The following ASMT variants were observed in gnomAD, a reference collection of about 807,000 sequenced individuals.
ASMT encodes acetylserotonin N-methyltransferase.
In ASMT, 53 loss-of-function variants were observed where a neutral mutation model predicts 41.3. The ratio of observed to expected loss-of-function variants is 1.28; its 90% confidence interval spans 1.03 to 1.61. The LOEUF (loss-of-function observed/expected upper bound fraction) is 1.61. Ranked by LOEUF, ASMT falls within the 40% of genes most tolerant of loss-of-function variation. ASMT has a pLI of 0.00. For synonymous variants in ASMT, 231 were observed against 184.8 expected (o/e 1.25, Z -2.03); for missense variants, 531 against 441.3 (o/e 1.20, Z -1.82).
chrX:1,622,887 G>C (rs1432401360), intron 1 of ASMT, among the ~76,000 whole-genome samples: 2 of 151,722 alleles, frequency 1.3e-5, no homozygotes, highest in Non-Finnish European at 2.9e-5. Context: ...CCTCCAGCCT[G>C]GGTGATACAG....
chrX:1,623,113 C>G, intron 1 of ASMT, 26 bp from the exon 2 acceptor site: 1 of 1,611,966 alleles, frequency 6.2e-7, no homozygotes, highest in Non-Finnish European at 8.5e-7. Flanking sequence ...TGAGCCCTGA[C>G]CTTTTATTTC....
rs375804099 is a variant in ASMT at position 1,637,133 on chromosome X, C to A, written c.910+573C>A. ...CCTGTGAGGTCCACCCATCCTGATGCTTCACGAGGACGTGGGCACAGCCTC... is the reference window on the plus strand; with the variant it reads ...CCTGTGAGGTCCACCCATCCTGATGATTCACGAGGACGTGGGCACAGCCTC... On this transcript the variant is annotated intron_variant, in intron 8 of 8. Coordinates refer to ENST00000381241, the MANE Select transcript of ASMT (RefSeq NM_001171038.2). Among the ~76,000 whole-genome samples the A allele has an allele frequency of 3.3e-3, 261 of 79,550 alleles. 3 individuals carry two copies. Among genetic ancestry groups the A allele is most frequent in the South Asian group, 0.012 (25 of 2,068 alleles). The allele number at this position is 79,550 out of a possible 152,430, so 52.2% of individuals were successfully genotyped here. A position where few individuals can be genotyped will look rare whatever the true frequency, so the allele number is the denominator to read the frequency against.
intron 7 of ASMT, among the ~76,000 whole-genome samples, chrX:1,635,584 G>A (rs1433596645): frequency 3.9e-5 from 6 of 151,978 alleles, no homozygotes; most frequent in Admixed American, 6.6e-5. Flanking sequence ...AACATGGGCC[G>A]GGCACAGCAG....
intron 7 of ASMT, among the ~76,000 whole-genome samples, chrX:1,634,476 A>G (rs1934885925): frequency 1.3e-5 from 2 of 152,140 alleles, no homozygotes; most frequent in South Asian, 4.1e-4. Context: ...AGAGTTCCCA[A>G]GGTGATCCTA....
At position 1,627,694 on chromosome X, in the gene ASMT, T is replaced by C. The variant is rs1934608128; in HGVS notation, c.375-9T>C. 1 of 1,609,964 alleles carries C rather than the reference T, an allele frequency of 6.2e-7. No individual in the cohort carries two copies. The highest frequency in any genetic ancestry group is 1.3e-5 in the African/African-American group (1 of 74,812). ...GAAATGAAAATCAGCCTTCTCTCTC[T>C]TTTCTTAGAGAAGGAAGGAACCAGT... On this transcript the variant is annotated splice_polypyrimidine_tract_variant and intron_variant, in intron 3 of 8. Coordinates refer to ENST00000381241, the MANE Select transcript of ASMT (RefSeq NM_001171038.2).
chrX:1,615,377 T>A (rs1934044586), intron 1 of ASMT, 109 bp downstream of exon 1: 1 of 1,117,334 alleles, frequency 8.9e-7, no homozygotes, highest in East Asian at 2.6e-5. Context: ...TTTTAGGAGG[T>A]TTATTTTCCA....
At chrX:1,628,286 A>C (rs1434703316) in intron 4 of ASMT, among the ~76,000 whole-genome samples, 1 of 152,190 alleles carries the variant, frequency 6.6e-6, no homozygotes, top group Non-Finnish European at 1.5e-5. Context: ...GCACCACTGC[A>C]CTCCAGCCTG....
At position 1,623,134 on chromosome X, in the gene ASMT, C is replaced by A. The variant is rs1439880751; in HGVS notation, c.70-5C>A. ...CTGACCTTTTATTTCCGCTCCTGCTCCAAGGTTCTCTTCGCCGCCTGCGAG... is the reference window on the plus strand; with the variant it reads ...CTGACCTTTTATTTCCGCTCCTGCTACAAGGTTCTCTTCGCCGCCTGCGAG... On this transcript the variant is annotated splice_region_variant and splice_polypyrimidine_tract_variant and intron_variant, in intron 1 of 8. Transcript: ENST00000381241. 9 of 1,612,224 alleles carry A rather than the reference C, an allele frequency of 5.6e-6. No individual in the cohort carries two copies. The highest frequency in any genetic ancestry group is 7.6e-6 in the Non-Finnish European group (9 of 1,179,838).
At chrX:1,641,823 G>T (rs1935185272) in intron 8 of ASMT, among the ~76,000 whole-genome samples, 1 of 149,064 alleles carries the variant, frequency 6.7e-6, no homozygotes, top group African/African-American at 2.5e-5. Context: ...CCATCTTGAT[G>T]GTTCATGAGG....
chrX:1,621,603 C>G (rs1413529498), intron 1 of ASMT, among the ~76,000 whole-genome samples: 2 of 152,212 alleles, frequency 1.3e-5, no homozygotes, highest in African/African-American at 4.8e-5. Flanking sequence ...CAGGCGTGAG[C>G]TACCACGCCT....
intron 1 of ASMT, among the ~76,000 whole-genome samples, chrX:1,617,453 C>T (rs1186102244): frequency 1.1e-4 from 16 of 151,438 alleles, no homozygotes; most frequent in African/African-American, 2.2e-4. Context: ...GCCTGGGTGT[C>T]GCAGTGAGAC....
intron 3 of ASMT, among the ~76,000 whole-genome samples, chrX:1,627,033 A>G (rs1934574102): frequency 6.8e-6 from 1 of 148,014 alleles, no homozygotes; most frequent in African/African-American, 2.5e-5. Context: ...CGTCTCATAA[A>G]ATAAAATAAG....
chrX:1,636,411 C>G (rs200515964), intron 7 of ASMT, 27 bp from the exon 8 acceptor site: 75 of 1,613,798 alleles, frequency 4.6e-5, no homozygotes, highest in Admixed American at 1.3e-4. Flanking sequence ...TGCAGGCTGA[C>G]CTCGGTGTGC....
Position 1,615,180 on chromosome X carries a change from A to G in ASMT, c.-20A>G. 6 of 1,581,546 alleles carry G rather than the reference A, an allele frequency of 3.8e-6. No individual in the cohort carries two copies. Among genetic ancestry groups the G allele is most frequent in the Non-Finnish European group, 5.2e-6 (6 of 1,163,948 alleles). ...AAGCGCTCCAGAGGCTCCGGAAGCCACGGCTGGATTGGAGACAAGATGGGA... is the reference window on the plus strand; with the variant it reads ...AAGCGCTCCAGAGGCTCCGGAAGCCGCGGCTGGATTGGAGACAAGATGGGA... On this transcript the variant is annotated 5_prime_UTR_variant, in exon 1 of 9. Transcript: ENST00000381241.
At chrX:1,634,285 T>A (rs1418333349) in intron 7 of ASMT, among the ~76,000 whole-genome samples, 1 of 152,214 alleles carries the variant, frequency 6.6e-6, no homozygotes. Context: ...TCTTGTTGTC[T>A]TCTCCCAGTG....
intron 4 of ASMT, 147 bp from the exon 5 acceptor site, chrX:1,629,674 T>A: frequency 3.7e-6 from 3 of 817,740 alleles, no homozygotes. Context: ...CCATCCCGAA[T>A]GACTTCCTGT....
At chrX:1,628,097 G>T in intron 4 of ASMT, 1 of 394,956 alleles carries the variant, frequency 2.5e-6, no homozygotes, top group East Asian at 5.6e-5. Context: ...GAGGCAGGTG[G>T]ATCACCTGAG....
At chrX:1,620,927 C>CAAA (rs111600493) in intron 1 of ASMT, among the ~76,000 whole-genome samples, 2,103 of 147,420 alleles carry the variant, frequency 0.014, 44 homozygotes, top group African/African-American at 0.049. Context: ...ATAAAGATAC[C>CAAA]AAAAAAAAAA....
At position 1,622,139 on chromosome X, in the gene ASMT, G is replaced by A. The variant is rs181701889; in HGVS notation, c.70-1000G>A. 8.7e-3 allele frequency among the ~76,000 whole-genome samples: 1,305 copies of A among 150,300 alleles called. 23 individuals carry two copies. The highest frequency in any genetic ancestry group is 0.03 in the African/African-American group (1,226 of 40,886). The stretch of plus-strand genomic sequence containing the variant: ...TCCCGAGTAGCTGGGATACAGGTGC[G>A]CACCACCATGCCTGGCTAATTTTTG... On this transcript the variant is annotated intron_variant, in intron 1 of 8. Coordinates refer to ENST00000381241, the MANE Select transcript of ASMT (RefSeq NM_001171038.2).
Sources: gnomAD v4.1 joint callset for allele counts (sites outside exome capture counted in the v4.1 genomes callset) on GRCh38, gnomAD v4.1.1 for gene constraint, MANE v1.5 for transcripts, NCBI Gene and HGNC (gene_info 2026-07-23, HGNC 2026-07-21) for gene names.